Variants in ZNF780B observed in about 807,000 individuals in gnomAD.
ZNF780B encodes zinc finger protein 780B, also known as zinc finger protein 779.
A neutral mutation model predicts 74.1 loss-of-function variants in ZNF780B; 52 were observed. That is an observed-to-expected ratio of 0.70 (90% CI 0.56 to 0.88). The LOEUF (loss-of-function observed/expected upper bound fraction) is 0.88, where lower values mean the gene tolerates loss of function less well. Ranked by LOEUF, ZNF780B falls within the 40% of genes least tolerant of loss-of-function variation. The pLI, the probability that ZNF780B is intolerant of heterozygous loss-of-function variation, is 0.00. For synonymous variants in ZNF780B, 315 were observed against 324.3 expected, an observed-to-expected ratio of 0.97 and a Z score of 0.31; for missense variants, 953 against 1,007.6, an observed-to-expected ratio of 0.95 and a Z score of 0.73.
At position 40,030,615 on chromosome 19, in the gene ZNF780B, T is replaced by C. The variant is rs1201214502; in HGVS notation, c.*3742A>G. On this transcript the variant is annotated 3_prime_UTR_variant, in exon 5 of 5. Coordinates refer to ENST00000434248, the MANE Select transcript of ZNF780B (RefSeq NM_001005851.3). The stretch of plus-strand genomic sequence containing the variant: ...CCGTGCCTGGCCGTGATTTTTAAAT[T>C]TGTACATACTTGGTTTGTAACTTTA... 6.6e-6 allele frequency: 1 copy of C among 152,260 alleles called. No homozygotes were observed. Among genetic ancestry groups the C allele is most frequent in the Non-Finnish European group, 1.5e-5 (1 of 68,048 alleles). The allele number at this position is 152,260 out of a possible 1,614,324, so 9.4% of individuals were successfully genotyped here.
intron 4 of ZNF780B, among the ~76,000 whole-genome samples, chr19:40,039,561 ATTTG>A (rs1972528887): frequency 1.3e-5 from 2 of 151,438 alleles, no homozygotes; most frequent in Non-Finnish European, 3.0e-5. Context: ...ATGTTCTTCC[ATTTG>A]TTTGTATCCT....
intron 2 of ZNF780B, chr19:40,049,074 AG>A: frequency 2.7e-6 from 1 of 365,270 alleles, no homozygotes; most frequent in Non-Finnish European, 5.0e-6. Context: ...AAAAAAAAAA[AG>A]AAAGAAAGAA....
intron 1 of ZNF780B, among the ~76,000 whole-genome samples, chr19:40,054,424 T>C (rs972930254): frequency 1.3e-5 from 2 of 152,204 alleles, no homozygotes; most frequent in African/African-American, 2.4e-5. Context: ...CTATGTGAGG[T>C]AATGCATTGC....
At chr19:40,041,293 T>C (rs1455651720) in intron 4 of ZNF780B, among the ~76,000 whole-genome samples, 1 of 152,210 alleles carries the variant, frequency 6.6e-6, no homozygotes, top group African/African-American at 2.4e-5. Flanking sequence ...ATTTCTGTTC[T>C]TTTACATTTG....
In ZNF780B at chr19:40,034,236, G is replaced by C; in HGVS notation, c.*121C>G. ...ATGTACTCTAAGGTTTCTACCACTG[G>C]TAAAGCATTTCCCACATCCTTGACA... On this transcript the variant is annotated 3_prime_UTR_variant, in exon 5 of 5. Transcript: ENST00000434248. The C allele has an allele frequency of 1.2e-6, 1 of 848,634 alleles. No homozygotes were observed. Among genetic ancestry groups the C allele is most frequent in the Non-Finnish European group, 1.8e-6 (1 of 540,902 alleles). The allele number at this position is 848,634 out of a possible 1,614,324, so 52.6% of individuals were successfully genotyped here. A position where few individuals can be genotyped will look rare whatever the true frequency, so the allele number is the denominator to read the frequency against.
chr19:40,052,108 G>C (rs1388180250), intron 1 of ZNF780B, among the ~76,000 whole-genome samples: 4 of 152,084 alleles, frequency 2.6e-5, no homozygotes, highest in Admixed American at 2.0e-4. Flanking sequence ...CAGGACACTT[G>C]ATTTATATAA....
chr19:40,048,542 A>G (rs926708068), intron 3 of ZNF780B, 128 bp downstream of exon 3: 6 of 1,480,718 alleles, frequency 4.1e-6, no homozygotes, highest in Middle Eastern at 2.3e-4. Flanking sequence ...AACAAATCTC[A>G]ATCCATTCCT....
At chr19:40,046,563 C>T (rs1329470261) in intron 4 of ZNF780B, among the ~76,000 whole-genome samples, 1 of 152,192 alleles carries the variant, frequency 6.6e-6, no homozygotes, top group African/African-American at 2.4e-5. Flanking sequence ...AGTACTTGAA[C>T]ACTTACTTCA....
At chr19:40,055,175 A>G (rs1227657347) in intron 1 of ZNF780B, among the ~76,000 whole-genome samples, 1 of 151,646 alleles carries the variant, frequency 6.6e-6, no homozygotes, top group Non-Finnish European at 1.5e-5. Flanking sequence ...CTATTTTTAT[A>G]CCAGCTTAGA....
In ZNF780B at chr19:40,034,384, C is replaced by G. The variant is rs752481253; in HGVS notation, c.2475G>C (p.Leu825=). The part of the protein sequence containing the change: ...GQPSDISSNL[L]NIRKFILG ...ACCCAAGTATGAATTTTCTGATGTTCAGTAAGTTGCTACTGATGTCTGAAG... is the reference window on the plus strand; with the variant it reads ...ACCCAAGTATGAATTTTCTGATGTTGAGTAAGTTGCTACTGATGTCTGAAG... Residue 825 remains leucine (L), a synonymous_variant, in exon 5 of 5, where the codon CTG becomes CTC. Transcript: ENST00000434248. 5 of 1,608,802 alleles carry G rather than the reference C, an allele frequency of 3.1e-6. No homozygotes were observed. In the Admixed American group the frequency reaches 8.4e-5, roughly 27 times the overall value.
At chr19:40,042,748 T>C (rs1972710566) in intron 4 of ZNF780B, among the ~76,000 whole-genome samples, 1 of 152,250 alleles carries the variant, frequency 6.6e-6, no homozygotes, top group African/African-American at 2.4e-5. Flanking sequence ...GGCTTTCAGC[T>C]CCATCAGCTC....
Position 40,034,649 on chromosome 19 carries a change from A to T in ZNF780B, c.2210T>A (p.Leu737Gln). Reference protein sequence around the residue: ...CKECGKAFGLLTQLAQHQIIH... With the variant: ...CKECGKAFGLQTQLAQHQIIH... ...GATCTGATGTTGAGCAAGCTGTGTC[A>T]GAAGACCAAAGGCCTTTCCGCATTC... Residue 737 changes from leucine to glutamine, a missense_variant, in exon 5 of 5, where the codon CTG (leucine) becomes CAG (glutamine). Coordinates refer to ENST00000434248, the MANE Select transcript of ZNF780B (RefSeq NM_001005851.3). 6.2e-7 allele frequency: 1 copy of T among 1,613,278 alleles called. No homozygotes were observed. Among genetic ancestry groups the T allele is most frequent in the Non-Finnish European group, 8.5e-7 (1 of 1,179,764 alleles).
At chr19:40,049,691 T>C (rs1973118758) in intron 2 of ZNF780B, among the ~76,000 whole-genome samples, 2 of 152,196 alleles carry the variant, frequency 1.3e-5, no homozygotes, top group African/African-American at 4.8e-5. Flanking sequence ...CTGTAACTTA[T>C]CAAACCCACA....
chr19:40,028,393 G>C lies in ZNF780B; in HGVS notation c.*5964C>G, dbSNP rs1410998056. The C allele has an allele frequency of 6.6e-6, 1 of 152,056 alleles. No homozygotes were observed. Among genetic ancestry groups the C allele is most frequent in the African/African-American group, 2.4e-5 (1 of 41,390 alleles). 9.4% of individuals were successfully genotyped at this position (152,056 alleles called of 1,614,324 possible). ...TGTCATCTCATTCTGGAGAATCATA[G>C]ATGTGGCAGAAATACATATTCTTGA... On this transcript the variant is annotated 3_prime_UTR_variant, in exon 5 of 5. Coordinates refer to ENST00000434248, the MANE Select transcript of ZNF780B (RefSeq NM_001005851.3).
In ZNF780B at chr19:40,032,433, T is replaced by C; in HGVS notation, c.*1924A>G. 2.9e-6 allele frequency: 1 copy of C among 350,552 alleles called. No homozygotes were observed. Among genetic ancestry groups the C allele is most frequent in the South Asian group, 2.3e-5 (1 of 43,808 alleles). 21.7% of individuals were successfully genotyped at this position (350,552 alleles called of 1,614,324 possible). ...GGACTCTCCTTAGAAAATGAATAGC[T>C]GTAGGCCAGGCATGCTGGCTCATGC... On this transcript the variant is annotated 3_prime_UTR_variant, in exon 5 of 5. Coordinates refer to ENST00000434248, the MANE Select transcript of ZNF780B (RefSeq NM_001005851.3).
rs200071767 is a variant in ZNF780B, at chr19:40,035,391, G to A, written c.1468C>T (p.Arg490Ter). The change falls in exon 5 of 5, where the codon CGA becomes TGA. Residue 490 changes from arginine (R) to a stop codon, truncating the protein, a stop_gained. Transcript: ENST00000434248. LOFTEE classifies it high-confidence loss of function. The part of the protein sequence containing the change: ...KAFSLLTQLA[R>*]HKNIHTGEKP... The stretch of plus-strand genomic sequence containing the variant: ...TCACCAGTATGAATGTTCTTATGTC[G>A]AGCAAGCTGTGTCAGAAGACTAAAG... 3.0e-4 allele frequency: 486 copies of A among 1,614,080 alleles called. 2 individuals are homozygous for A. Among genetic ancestry groups the A allele is most frequent in the South Asian group, 2.8e-3 (255 of 91,070 alleles).
chr19:40,035,495 C>T lies in ZNF780B; in HGVS notation c.1364G>A (p.Arg455Gln), dbSNP rs145719318. 7.9e-5 allele frequency: 127 copies of T among 1,614,004 alleles called. No homozygotes were observed. The East Asian group carries it at 2.4e-3, about 31-fold the overall frequency. The change falls in exon 5 of 5, where the codon CGA (arginine) becomes CAA (glutamine). Residue 455 changes from arginine to glutamine, a missense_variant. Coordinates refer to ENST00000434248, the MANE Select transcript of ZNF780B (RefSeq NM_001005851.3). ...ATGTTGAATAAGTTGGTAATGATAT[C>T]GAAAGGCCATCTCACATTCCCTACA... ...FVCRECEMAFRYHYQLIQHCQ... is the reference protein window; with the variant it reads ...FVCRECEMAFQYHYQLIQHCQ...
rs1971958061 is a variant in ZNF780B at position 40,029,767 on chromosome 19, C to T, written c.*4590G>A. The T allele has an allele frequency of 6.6e-6, 1 of 151,932 alleles. No individual in the cohort carries two copies. The highest frequency in any genetic ancestry group is 1.5e-5 in the Non-Finnish European group (1 of 68,002). 9.4% of individuals were successfully genotyped at this position (151,932 alleles called of 1,614,324 possible). A position where few individuals can be genotyped will look rare whatever the true frequency, so the allele number is the denominator to read the frequency against. On this transcript the variant is annotated 3_prime_UTR_variant, in exon 5 of 5. Coordinates refer to ENST00000434248, the MANE Select transcript of ZNF780B (RefSeq NM_001005851.3). ...GACTCAGGACAAGAGGCATGGGGGA[C>T]ATGAACCAACAAACAGGGTCAGTCT...
chr19:40,039,013 C>T (rs1972498836), intron 4 of ZNF780B, among the ~76,000 whole-genome samples: 2 of 151,908 alleles, frequency 1.3e-5, no homozygotes, highest in South Asian at 2.1e-4. Context: ...TGGTATTGCC[C>T]AGGTTTTCTT....
Sources: allele counts gnomAD v4.1 joint callset (sites outside exome capture counted in the v4.1 genomes callset), GRCh38; gene constraint gnomAD v4.1.1; transcripts MANE v1.5; gene names NCBI Gene and HGNC (gene_info 2026-07-23, HGNC 2026-07-21).